The following NBAS variants were observed in gnomAD, a reference collection of about 807,000 sequenced individuals.
NBAS encodes the protein NBAS subunit of NRZ tethering complex, also known as NAG/BC035112 fusion.
In NBAS, 219 loss-of-function variants were observed where a neutral mutation model predicts 302.5. The ratio of observed to expected loss-of-function variants is 0.72; its 90% confidence interval spans 0.65 to 0.81. The LOEUF (loss-of-function observed/expected upper bound fraction) is 0.81, where lower values mean the gene tolerates loss of function less well. Among genes scored for constraint, NBAS ranks in the 30% least tolerant of loss-of-function variants. The pLI, the probability that NBAS is intolerant of heterozygous loss-of-function variation, is 0.00. For synonymous variants in NBAS, 1,118 were observed against 1,021.6 expected, an observed-to-expected ratio of 1.09 and a Z score of -1.80; for missense variants, 2,932 against 2,841.6, an observed-to-expected ratio of 1.03 and a Z score of -0.72.
the NBAS span, among the ~76,000 whole-genome samples, chr2:15,040,451 A>G: frequency 2.0e-5 from 3 of 152,206 alleles, no homozygotes; most frequent in East Asian, 5.8e-4. Flanking sequence ...CTGCCCAGGC[A>G]CGACCACCTT....
the NBAS span, among the ~76,000 whole-genome samples, chr2:15,058,472 A>T: frequency 6.6e-6 from 1 of 152,262 alleles, no homozygotes; most frequent in Non-Finnish European, 1.5e-5. Flanking sequence ...TGAATCAAAA[A>T]GTATATTTCT....
At chr2:14,900,019 G>T in the NBAS span, among the ~76,000 whole-genome samples, 1 of 152,176 alleles carries the variant, frequency 6.6e-6, no homozygotes, top group Non-Finnish European at 1.5e-5. Context: ...GTTATAAAAG[G>T]GGAGGGGGAG....
intron 21 of NBAS, among the ~76,000 whole-genome samples, chr2:15,437,412 C>T (rs1288834835): frequency 2.6e-5 from 4 of 152,136 alleles, no homozygotes; most frequent in African/African-American, 9.7e-5. Flanking sequence ...CTGCACAAGT[C>T]TATGTGAGCC....
chr2:15,057,348 G>T, the NBAS span, among the ~76,000 whole-genome samples: 1 of 148,726 alleles, frequency 6.7e-6, no homozygotes, highest in African/African-American at 2.5e-5. Flanking sequence ...ATAGCTGAGT[G>T]ATTGGGCAGA....
chr2:14,786,706 A>C, the NBAS span, among the ~76,000 whole-genome samples: 1 of 151,952 alleles, frequency 6.6e-6, no homozygotes, highest in South Asian at 2.1e-4. Flanking sequence ...ATAATTTCTG[A>C]TCTTTTCCAT....
intron 11 of NBAS, among the ~76,000 whole-genome samples, chr2:15,502,236 T>G (rs1661602320): frequency 6.6e-6 from 1 of 152,180 alleles, no homozygotes; most frequent in Non-Finnish European, 1.5e-5. Context: ...ATAATGCCAG[T>G]GTAGGTAATG....
Position 15,533,829 on chromosome 2 carries a change from A to T in NBAS, c.746+714T>A, listed in dbSNP as rs182959738. Among the ~76,000 whole-genome samples, 76 of 152,250 alleles carry T rather than the reference A, an allele frequency of 5.0e-4. 1 individual carries two copies. The highest frequency in any genetic ancestry group is 1.7e-3 in the African/African-American group (72 of 41,536). On this transcript the variant is annotated intron_variant, in intron 9 of 51. Coordinates refer to ENST00000281513, the MANE Select transcript of NBAS (RefSeq NM_015909.4). ...CATACATTTCCAAGGAAAAAGACTT[A>T]AGTATACTGAGATTCCAAGTTAAGG...
chr2:15,439,762 G>C (rs1347104699), intron 21 of NBAS, among the ~76,000 whole-genome samples: 1 of 152,190 alleles, frequency 6.6e-6, no homozygotes, highest in Admixed American at 6.5e-5. Context: ...TCAAAGAAAG[G>C]GGTGACAGAC....
chr2:14,818,039 C>T, the NBAS span, among the ~76,000 whole-genome samples: 335 of 152,236 alleles, frequency 2.2e-3, 1 homozygote, highest in African/African-American at 7.7e-3. Context: ...ACGAAGTTCA[C>T]AAGTCCCAGC....
chr2:14,880,922 C>T, the NBAS span, among the ~76,000 whole-genome samples: 18 of 141,958 alleles, frequency 1.3e-4, no homozygotes, highest in South Asian at 4.0e-3. Flanking sequence ...ATTTTATGGA[C>T]CTCCAGGATA....
intron 24 of NBAS, among the ~76,000 whole-genome samples, chr2:15,417,285 C>T (rs1461924093): frequency 4.6e-5 from 7 of 151,084 alleles, no homozygotes; most frequent in South Asian, 4.2e-4. Context: ...CTAACTAGAA[C>T]GGAAAAAAAA....
the NBAS span, among the ~76,000 whole-genome samples, chr2:15,128,554 G>A: frequency 6.6e-6 from 1 of 152,178 alleles, no homozygotes; most frequent in Non-Finnish European, 1.5e-5. Flanking sequence ...ATCCTACAAA[G>A]TGGGACACGA....
the NBAS span, among the ~76,000 whole-genome samples, chr2:15,161,614 C>T: frequency 3.9e-5 from 6 of 152,188 alleles, no homozygotes; most frequent in South Asian, 2.1e-4. Flanking sequence ...CCTGGCTACA[C>T]GGTGGCCTCC....
chr2:14,780,676 A>G, the NBAS span, among the ~76,000 whole-genome samples: 2 of 152,222 alleles, frequency 1.3e-5, no homozygotes, highest in Admixed American at 6.5e-5. Flanking sequence ...TGTCTCCCAG[A>G]GATCTTCGAA....
intron 7 of NBAS, among the ~76,000 whole-genome samples, chr2:15,538,148 C>T (rs988741726): frequency 6.6e-6 from 1 of 152,062 alleles, no homozygotes; most frequent in Admixed American, 6.5e-5. Flanking sequence ...TAAATTTCAC[C>T]TGTTTCTTAT....
At chr2:14,885,015 A>G in the NBAS span, among the ~76,000 whole-genome samples, 1 of 152,226 alleles carries the variant, frequency 6.6e-6, no homozygotes, top group East Asian at 1.9e-4. Context: ...GAAGAGGCTG[A>G]GTCCACACTG....
At chr2:15,319,521 G>A (rs1005442523) in intron 38 of NBAS, among the ~76,000 whole-genome samples, 1 of 151,980 alleles carries the variant, frequency 6.6e-6, no homozygotes, top group African/African-American at 2.4e-5. Context: ...AAAGAGGAAA[G>A]AGAGAAGAAT....
chr2:15,400,474 A>G (rs1169580085), intron 26 of NBAS, among the ~76,000 whole-genome samples: 1 of 152,158 alleles, frequency 6.6e-6, no homozygotes. Context: ...TGGATATGGG[A>G]GAAGGGAAAG....
intron 21 of NBAS, among the ~76,000 whole-genome samples, chr2:15,434,475 A>G (rs959653624): frequency 1.3e-5 from 2 of 152,234 alleles, no homozygotes; most frequent in Admixed American, 6.5e-5. Context: ...TATAATTTCA[A>G]TGGCCTTGTA....
Sources: gnomAD v4.1 joint callset for allele counts (sites outside exome capture counted in the v4.1 genomes callset) on GRCh38, gnomAD v4.1.1 for gene constraint, MANE v1.5 for transcripts, NCBI Gene and HGNC (gene_info 2026-07-23, HGNC 2026-07-21) for gene names.